TMEM117: variants seen among roughly 807,000 people sequenced by gnomAD.
TMEM117 encodes transmembrane protein 117.
TMEM117 carries 27 observed loss-of-function variants against 52.4 expected under a neutral mutation model. The ratio of observed to expected loss-of-function variants is 0.51; its 90% CI spans 0.38 to 0.71. TMEM117 has a LOEUF of 0.71. Among genes scored for constraint, TMEM117 ranks in the 30% least tolerant of loss-of-function variants. TMEM117 has a pLI of 0.00. For missense variants in TMEM117, 556 were observed against 630.5 expected (o/e 0.88, Z 1.26); for synonymous variants, 215 against 206.3 (o/e 1.04, Z -0.36).
At chr12:44,354,015 C>T (rs561097026) in intron 6 of TMEM117, among the ~76,000 whole-genome samples, 135 of 152,244 alleles carry the variant, frequency 8.9e-4, no homozygotes, top group South Asian at 2.7e-3. Context: ...TCCTTCACAT[C>T]CCTTGTAAGT....
At chr12:44,182,207 A>G (rs1317896657) in intron 4 of TMEM117, among the ~76,000 whole-genome samples, 1 of 152,102 alleles carries the variant, frequency 6.6e-6, no homozygotes, top group African/African-American at 2.4e-5. Flanking sequence ...TTGATTTTGT[A>G]TCCTGAGACT....
chr12:44,002,015 A>C (rs1024549243), intron 3 of TMEM117, among the ~76,000 whole-genome samples: 2 of 152,100 alleles, frequency 1.3e-5, no homozygotes, highest in African/African-American at 4.8e-5. Flanking sequence ...ACATGGCACC[A>C]CCTGTTAACA....
Position 43,894,519 on chromosome 12 carries a change from G to A in TMEM117, c.277+49591G>A, listed in dbSNP as rs77064176. ...ATCACCCAGGTATTAAGCCTGGAAC[G>A]TACTAGTTATAGTTCCTCCTTCTCT... is the stretch of plus-strand genomic sequence containing the variant. On this transcript the variant is annotated intron_variant, in intron 2 of 7. Transcript: ENST00000266534. 7.6e-3 allele frequency among the ~76,000 whole-genome samples: 1,158 copies of A among 151,918 alleles called. 12 individuals are homozygous for A. The highest frequency in any genetic ancestry group is 0.025 in the African/African-American group (1,054 of 41,432).
At chr12:44,137,708 C>T (rs1223762089) in intron 3 of TMEM117, among the ~76,000 whole-genome samples, 1 of 152,098 alleles carries the variant, frequency 6.6e-6, no homozygotes, top group African/African-American at 2.4e-5. Flanking sequence ...TTAAAACCAT[C>T]AGATCTCATG....
intron 3 of TMEM117, among the ~76,000 whole-genome samples, chr12:43,990,625 G>A (rs528276577): frequency 1.3e-5 from 2 of 152,044 alleles, no homozygotes; most frequent in Non-Finnish European, 2.9e-5. Context: ...AGGATTTAGT[G>A]TGCTGGATCT....
intron 6 of TMEM117, among the ~76,000 whole-genome samples, chr12:44,347,474 T>G: frequency 6.6e-6 from 1 of 152,082 alleles, no homozygotes. Flanking sequence ...GTTTCAATGG[T>G]ATATATGTGT....
At chr12:43,972,305 C>T (rs1229136285) in intron 3 of TMEM117, among the ~76,000 whole-genome samples, 2 of 152,194 alleles carry the variant, frequency 1.3e-5, no homozygotes, top group Non-Finnish European at 2.9e-5. Flanking sequence ...GGGGATGTTT[C>T]TGTGTCCAGA....
intron 3 of TMEM117, among the ~76,000 whole-genome samples, chr12:43,968,101 A>C (rs1189820740): frequency 6.6e-6 from 1 of 152,234 alleles, no homozygotes; most frequent in African/African-American, 2.4e-5. Context: ...AGGCTCAGGC[A>C]TAGAGACCAC....
At chr12:43,924,056 A>C (rs1333807986) in intron 2 of TMEM117, among the ~76,000 whole-genome samples, 1 of 152,196 alleles carries the variant, frequency 6.6e-6, no homozygotes, top group Non-Finnish European at 1.5e-5. Flanking sequence ...ATAGGAACCA[A>C]ATAAAATAAT....
intron 2 of TMEM117, among the ~76,000 whole-genome samples, chr12:43,846,242 G>T (rs1214790681): frequency 6.6e-6 from 1 of 152,136 alleles, no homozygotes; most frequent in Non-Finnish European, 1.5e-5. Context: ...TTACTATAAG[G>T]ATGTTAGGAT....
chr12:43,873,682 A>G (rs1008709869), intron 2 of TMEM117, among the ~76,000 whole-genome samples: 2 of 150,846 alleles, frequency 1.3e-5, no homozygotes, highest in Admixed American at 6.6e-5. Context: ...ACCTATTTTT[A>G]CTGTATCTTT....
intron 7 of TMEM117, among the ~76,000 whole-genome samples, chr12:44,378,007 C>G (rs1951966286): frequency 6.6e-6 from 1 of 152,202 alleles, no homozygotes; most frequent in Admixed American, 6.5e-5. Flanking sequence ...GTTCAGGTCA[C>G]ATAGTCTGGT....
chr12:43,876,589 A>G (rs888803756), intron 2 of TMEM117, among the ~76,000 whole-genome samples: 30 of 152,180 alleles, frequency 2.0e-4, no homozygotes, highest in African/African-American at 7.2e-4. Flanking sequence ...ACAATTTCAA[A>G]TATTTTTTGA....
At chr12:43,902,839 C>G (rs1004671298) in intron 2 of TMEM117, among the ~76,000 whole-genome samples, 2 of 151,896 alleles carry the variant, frequency 1.3e-5, no homozygotes, top group African/African-American at 4.8e-5. Flanking sequence ...TCTTAAAAAA[C>G]TGGATAACTG....
At chr12:44,102,109 A>G (rs1032144917) in intron 3 of TMEM117, among the ~76,000 whole-genome samples, 2 of 152,052 alleles carry the variant, frequency 1.3e-5, no homozygotes, top group South Asian at 4.1e-4. Context: ...AAAAGGAACA[A>G]TTATTCAGCC....
intron 3 of TMEM117, among the ~76,000 whole-genome samples, chr12:44,072,916 C>T (rs1947324278): frequency 6.6e-6 from 1 of 152,010 alleles, no homozygotes; most frequent in South Asian, 2.1e-4. Context: ...ATGGTGAAAC[C>T]CCATCTCTAC....
At chr12:44,109,909 A>G (rs1948027398) in intron 3 of TMEM117, among the ~76,000 whole-genome samples, 1 of 76,676 alleles carries the variant, frequency 1.3e-5, no homozygotes, top group Admixed American at 1.4e-4. Context: ...GTTCTCCTTG[A>G]AGAGGTCCTT....
intron 2 of TMEM117, among the ~76,000 whole-genome samples, chr12:43,900,882 A>G (rs1252387753): frequency 6.6e-6 from 1 of 152,068 alleles, no homozygotes; most frequent in Non-Finnish European, 1.5e-5. Context: ...TGAAAAAGGA[A>G]AAGAAAATTA....
chr12:43,971,555 C>A (rs557357736), intron 3 of TMEM117, among the ~76,000 whole-genome samples: 2 of 152,278 alleles, frequency 1.3e-5, no homozygotes, highest in Admixed American at 1.3e-4. Context: ...ACTGCCTATA[C>A]CCTGGCAAGC....
Sources: allele counts gnomAD v4.1 joint callset (sites outside exome capture counted in the v4.1 genomes callset), GRCh38; gene constraint gnomAD v4.1.1; transcripts MANE v1.5; gene names NCBI Gene and HGNC (gene_info 2026-07-23, HGNC 2026-07-21).